SCOC: variants seen among roughly 807,000 people sequenced by gnomAD.
SCOC encodes short coiled-coil protein.
In SCOC, 7 loss-of-function variants were observed where a neutral mutation model predicts 9.9. That is an observed-to-expected ratio of 0.71 (90% confidence interval 0.40 to 1.33). SCOC has a LOEUF of 1.33. Among genes scored for constraint, SCOC ranks in the 40% most tolerant of loss-of-function variants. SCOC has a pLI of 0.01. For missense variants in SCOC, 66 were observed against 89.7 expected, an observed-to-expected ratio of 0.74 and a Z score of 1.07; for synonymous variants, 19 against 28.2, an observed-to-expected ratio of 0.67 and a Z score of 1.03.
At chr4:140,321,805 C>CA (rs1263884729) in intron 1 of SCOC, among the ~76,000 whole-genome samples, 45 of 152,162 alleles carry the variant, frequency 3.0e-4, no homozygotes, top group African/African-American at 1.1e-3. Flanking sequence ...TAATTACTGA[C>CA]AGACATTCTT....
intron 1 of SCOC, among the ~76,000 whole-genome samples, chr4:140,286,005 C>G (rs780169839): frequency 6.6e-6 from 1 of 151,842 alleles, no homozygotes. Flanking sequence ...GCCAACAAGG[C>G]GAAATCCCAT....
chr4:140,378,692 A>C (rs1431624312), intron 1 of SCOC, among the ~76,000 whole-genome samples: 1 of 152,182 alleles, frequency 6.6e-6, no homozygotes, highest in Admixed American at 6.5e-5. Context: ...ATTTTTATGT[A>C]TATAACTTTC....
intron 1 of SCOC, among the ~76,000 whole-genome samples, chr4:140,282,478 C>T (rs1185227563): frequency 2.0e-5 from 3 of 152,120 alleles, no homozygotes; most frequent in Non-Finnish European, 2.9e-5. Context: ...TCCCACCCCC[C>T]GTCCCCATGA....
chr4:140,272,145 C>T (rs189987909), intron 1 of SCOC, among the ~76,000 whole-genome samples: 144 of 151,702 alleles, frequency 9.5e-4, no homozygotes, highest in African/African-American at 3.3e-3. Context: ...CAGGCTTGAC[C>T]TCCTGGGCTT....
At chr4:140,371,042 C>G (rs930516264), upstream of SCOC, among the ~76,000 whole-genome samples, 1 of 152,016 alleles carries the variant, frequency 6.6e-6, no homozygotes, top group African/African-American at 2.4e-5. Context: ...CCCGCCACCA[C>G]GCCCAGCTAA....
At chr4:140,288,207 C>A (rs1266698342) in intron 1 of SCOC, among the ~76,000 whole-genome samples, 1 of 151,998 alleles carries the variant, frequency 6.6e-6, no homozygotes, top group Non-Finnish European at 1.5e-5. Flanking sequence ...CCACACATCA[C>A]ACATGCACAC....
At chr4:140,293,328 T>G in intron 1 of SCOC, 1 of 456,834 alleles carries the variant, frequency 2.2e-6, no homozygotes, top group Non-Finnish European at 4.4e-6. Context: ...TTATCTTTAC[T>G]GCCTGTTTCC....
intron 1 of SCOC, among the ~76,000 whole-genome samples, chr4:140,292,153 G>T (rs897884070): frequency 6.7e-6 from 1 of 150,220 alleles, no homozygotes; most frequent in South Asian, 2.1e-4. Context: ...CCTTGATCAC[G>T]CATGCTCAAA....
chr4:140,294,878 T>C (rs1216796727), intron 1 of SCOC, among the ~76,000 whole-genome samples: 1 of 152,192 alleles, frequency 6.6e-6, no homozygotes. Flanking sequence ...CTTATAACTA[T>C]TTCTTCTCCA....
At chr4:140,353,841 GCA>G (rs779115546) in intron 2 of SCOC, among the ~76,000 whole-genome samples, 3 of 152,220 alleles carry the variant, frequency 2.0e-5, no homozygotes, top group Non-Finnish European at 4.4e-5. Context: ...TTCTTGGGAT[GCA>G]CACAGTCAAC....
At chr4:140,314,924 C>T (rs1032003630) in intron 1 of SCOC, among the ~76,000 whole-genome samples, 5 of 152,178 alleles carry the variant, frequency 3.3e-5, no homozygotes, top group African/African-American at 4.8e-5. Context: ...TCCATTTTCT[C>T]ACTTTCCTGT....
Position 140,373,684 on chromosome 4 carries a change from G to A in SCOC, c.-84G>A. On this transcript the variant is annotated 5_prime_UTR_variant, in exon 1 of 4. Coordinates refer to ENST00000608372, the MANE Select transcript of SCOC (RefSeq NM_001153484.2). Reference sequence around the variant, plus strand: ...AGTGTCCCGGCCTGAGGTGTCGGCCGGATCCCTCCTTCTCCCGGCGCCTCA... The same window carrying A: ...AGTGTCCCGGCCTGAGGTGTCGGCCAGATCCCTCCTTCTCCCGGCGCCTCA... 1 of 1,550,478 alleles carries A rather than the reference G, an allele frequency of 6.4e-7. No individual in the cohort carries two copies. Among genetic ancestry groups the A allele is most frequent in the Non-Finnish European group, 8.7e-7 (1 of 1,146,896 alleles).
chr4:140,329,603 G>GA (rs1221920275), intron 1 of SCOC, among the ~76,000 whole-genome samples: 5 of 151,896 alleles, frequency 3.3e-5, no homozygotes, highest in African/African-American at 9.7e-5. Context: ...AAATCAGCAA[G>GA]AAAAAAACAA....
intron 1 of SCOC, among the ~76,000 whole-genome samples, chr4:140,276,182 T>G (rs909434337): frequency 2.3e-4 from 35 of 152,148 alleles, no homozygotes; most frequent in Non-Finnish European, 4.6e-4. Context: ...TTTTGTATTT[T>G]TAGTAGAGAT....
rs931661585 is a variant in SCOC, at chr4:140,379,145, C to T, written c.-26C>T. The T allele has an allele frequency of 1.9e-6, 3 of 1,608,278 alleles. No individual in the cohort carries two copies. The highest frequency in any genetic ancestry group is 1.7e-5 in the Admixed American group (1 of 59,998). On this transcript the variant is annotated 5_prime_UTR_variant, in exon 2 of 4. Coordinates refer to ENST00000608372, the MANE Select transcript of SCOC (RefSeq NM_001153484.2). ...GACCATTCCTCAAGAATTTTGTATC[C>T]AAGGCCCAAAAGTTTGTTACCCAAG... is the stretch of plus-strand genomic sequence containing the variant.
chr4:140,336,123 C>T (rs1255727335), intron 1 of SCOC, among the ~76,000 whole-genome samples: 3 of 152,128 alleles, frequency 2.0e-5, no homozygotes, highest in African/African-American at 7.2e-5. Context: ...ATTTAATACA[C>T]TTATAAATAA....
chr4:140,373,379 C>A (rs1439240499), upstream of SCOC: 3 of 1,452,454 alleles, frequency 2.1e-6, no homozygotes, highest in Admixed American at 5.5e-5. Flanking sequence ...GCTTCACCAG[C>A]GCCGCTTAGC....
rs1237015576 is a variant in SCOC at position 140,373,656 on chromosome 4, C to A, written c.-112C>A. On this transcript the variant is annotated 5_prime_UTR_variant, in exon 1 of 4. Coordinates refer to ENST00000608372, the MANE Select transcript of SCOC (RefSeq NM_001153484.2). ...GGCGGAGCTGCCGGGGTCAGTTGGT[C>A]CAAGTGTCCCGGCCTGAGGTGTCGG... 5.8e-6 allele frequency: 9 copies of A among 1,551,352 alleles called. No individual in the cohort carries two copies. Among genetic ancestry groups the A allele is most frequent in the Non-Finnish European group, 7.8e-6 (9 of 1,146,972 alleles).
At chr4:140,366,861 G>A (rs762448996) in intron 2 of SCOC, 69 of 757,234 alleles carry the variant, frequency 9.1e-5, no homozygotes, top group Non-Finnish European at 4.8e-5. Flanking sequence ...TGAACACCAT[G>A]TTGGTGGCGT....
Sources: gnomAD v4.1 joint callset for allele counts (sites outside exome capture counted in the v4.1 genomes callset) on GRCh38, gnomAD v4.1.1 for gene constraint, MANE v1.5 for transcripts, NCBI Gene and HGNC (gene_info 2026-07-23, HGNC 2026-07-21) for gene names.